The following VWA3B variants were observed in gnomAD, a reference collection of about 807,000 sequenced individuals.
VWA3B encodes von Willebrand factor A domain containing 3B, also known as von Willebrand factor A domain-containing protein 3B.
Under a neutral mutation model 158.3 loss-of-function variants are expected in VWA3B, and 138 were observed. The observed-to-expected ratio is 0.87, with a 90% CI of 0.76 to 1.00. The LOEUF (loss-of-function observed/expected upper bound fraction) is 1.00, where lower values mean the gene tolerates loss of function less well. VWA3B is among the 50% of genes least tolerant of loss of function. The probability of loss-of-function intolerance (pLI) is 0.00; values close to 1 mark genes in which losing one functional copy is unlikely to be tolerated. For missense variants in VWA3B, 1,555 were observed against 1,565.1 expected (o/e 0.99, Z 0.11); for synonymous variants, 596 against 587.3 (o/e 1.01, Z -0.21).
intron 13 of VWA3B, chr2:98,217,016 A>T (rs201118963): frequency 1.3e-4 from 159 of 1,228,362 alleles, no homozygotes; most frequent in Non-Finnish European, 1.4e-4. Flanking sequence ...TGGTCCCTTC[A>T]TGCTAAACTG....
chr2:98,125,959 C>T lies in VWA3B; in HGVS notation c.703-2280C>T, dbSNP rs113306390. Among the ~76,000 whole-genome samples, 6,916 of 152,232 alleles carry T rather than the reference C, an allele frequency of 0.045. 225 individuals are homozygous for T. Among genetic ancestry groups the T allele is most frequent in the Non-Finnish European group, 0.067 (4,540 of 68,006 alleles). On this transcript the variant is annotated intron_variant, in intron 5 of 27. Coordinates refer to ENST00000477737, the MANE Select transcript of VWA3B (RefSeq NM_144992.5). This position sits in a 1 kb window ranked among gnomAD's most constrained non-coding sequence, Gnocchi z 4.1. Reference sequence around the variant, plus strand: ...GATTACAGGTATGAGCCACCGCTCCCGGCCACCTTTCTGTTTTTCTAAGTG... The same window carrying T: ...GATTACAGGTATGAGCCACCGCTCCTGGCCACCTTTCTGTTTTTCTAAGTG...
chr2:98,312,067 A>T, intron 27 of VWA3B, 35 bp downstream of exon 27: 2 of 1,595,226 alleles, frequency 1.3e-6, no homozygotes, highest in South Asian at 2.3e-5. Context: ...AACATCGCTT[A>T]TCTCAGGAAC....
chr2:98,267,258 G>C (rs201376434), intron 21 of VWA3B, among the ~76,000 whole-genome samples: 18 of 151,478 alleles, frequency 1.2e-4, no homozygotes, highest in South Asian at 2.1e-4. Flanking sequence ...TAGCATGAAG[G>C]GTTGTTGAAT....
chr2:98,254,986 A>G (rs1687021309), intron 20 of VWA3B, among the ~76,000 whole-genome samples: 1 of 151,856 alleles, frequency 6.6e-6, no homozygotes, highest in African/African-American at 2.4e-5. Flanking sequence ...CTCCTACCTC[A>G]TTGTATGGAA....
Position 98,230,147 on chromosome 2 carries a change from T to C in VWA3B, c.2248T>C (p.Leu750=). ...AACACAAACTTCATCTCTGAATATG[T>C]TGAAGGGACCATGGGGCCTTTCAGA... ...DSTQTSSLNM[L]KGPWGLSDQK... Residue 750 remains leucine (L), a synonymous_variant, in exon 16 of 28, where the codon TTG becomes CTG. Coordinates refer to ENST00000477737, the MANE Select transcript of VWA3B (RefSeq NM_144992.5). 1.2e-6 allele frequency: 2 copies of C among 1,611,156 alleles called. No homozygotes were observed. Among genetic ancestry groups the C allele is most frequent in the Non-Finnish European group, 1.7e-6 (2 of 1,179,356 alleles).
chr2:98,208,703 A>C (rs1307526000), intron 12 of VWA3B, among the ~76,000 whole-genome samples: 1 of 152,160 alleles, frequency 6.6e-6, no homozygotes, highest in Non-Finnish European at 1.5e-5. Context: ...TAATTGTCTG[A>C]AGTATTTCCT....
chr2:98,154,529 C>T (rs971780416), intron 7 of VWA3B, among the ~76,000 whole-genome samples: 2 of 152,168 alleles, frequency 1.3e-5, no homozygotes, highest in African/African-American at 4.8e-5. Context: ...CCACTCCCGT[C>T]TTGGGCTTAT....
In VWA3B at chr2:98,300,205, A is replaced by G; in HGVS notation, c.3409A>G (p.Asn1137Asp). 1 of 1,614,202 alleles carries G rather than the reference A, an allele frequency of 6.2e-7. No individual in the cohort carries two copies. Among genetic ancestry groups the G allele is most frequent in the Non-Finnish European group, 8.5e-7 (1 of 1,180,044 alleles). ...TEKFYTVLKC[N>D]NRREFCPRSA... is the part of the protein sequence containing the mutation. Reference sequence around the variant, plus strand: ...AAAATTCTACACAGTTTTGAAGTGTAACAACCGGAGAGTAAGTAGATTTTC... The same window carrying G: ...AAAATTCTACACAGTTTTGAAGTGTGACAACCGGAGAGTAAGTAGATTTTC... Residue 1137 changes from asparagine (N) to aspartate (D), a missense_variant, in exon 25 of 28, where the codon AAC becomes GAC. By Grantham distance (23) the Asn-to-Asp change is conservative (BLOSUM62 1). Transcript: ENST00000477737.
intron 7 of VWA3B, among the ~76,000 whole-genome samples, chr2:98,138,009 G>C (rs1271219294): frequency 6.6e-6 from 1 of 152,156 alleles, no homozygotes; most frequent in South Asian, 2.1e-4. Flanking sequence ...GTGTGCAGGG[G>C]TACACATCGC....
intron 19 of VWA3B, among the ~76,000 whole-genome samples, chr2:98,248,777 A>G (rs533849839): frequency 2.0e-5 from 3 of 151,228 alleles, no homozygotes; most frequent in African/African-American, 7.3e-5. Context: ...GTCTCTAAAA[A>G]CCTATCAGCG....
chr2:98,189,184 G>A (rs1175627640), intron 10 of VWA3B, among the ~76,000 whole-genome samples: 3 of 152,150 alleles, frequency 2.0e-5, no homozygotes, highest in Non-Finnish European at 4.4e-5. Flanking sequence ...CAAGGGGGTG[G>A]ATCATGAGGT....
rs1444324515 is a variant in VWA3B, at chr2:98,092,927, T to C, written c.-32-134T>C. ...TGACTGTCCTCTTTTCCACCAAATA[T>C]ACATGTATAATTTTAATTGATAAAT... On this transcript the variant is annotated intron_variant, in intron 1 of 27. Transcript: ENST00000477737. The C allele has an allele frequency of 7.4e-6, 4 of 540,552 alleles. No homozygotes were observed. In the South Asian group the frequency reaches 1.0e-4, roughly 14 times the overall value. 33.5% of individuals were successfully genotyped at this position (540,552 alleles called of 1,614,324 possible).
In VWA3B at chr2:98,156,249, A is replaced by T. The variant is rs527477091; in HGVS notation, c.989-6602A>T. 2.6e-5 allele frequency among the ~76,000 whole-genome samples: 4 copies of T among 152,344 alleles called. No homozygotes were observed. In the South Asian group the frequency reaches 8.3e-4, roughly 32 times the overall value. On this transcript the variant is annotated intron_variant, in intron 7 of 27. Coordinates refer to ENST00000477737, the MANE Select transcript of VWA3B (RefSeq NM_144992.5). ...ATGAGTGAATGATGATTCTCCAAGT[A>T]GATTGTCCTACTGAGAAGGGGATAT...
intron 7 of VWA3B, among the ~76,000 whole-genome samples, chr2:98,161,247 G>T (rs1678550739): frequency 6.6e-6 from 1 of 152,242 alleles, no homozygotes; most frequent in African/African-American, 2.4e-5. Flanking sequence ...ACACTCCCTT[G>T]CTCCTTAGGC....
chr2:98,115,060 C>T (rs569278387), intron 2 of VWA3B, among the ~76,000 whole-genome samples: 100 of 151,114 alleles, frequency 6.6e-4, no homozygotes, highest in African/African-American at 2.2e-3. Context: ...TTTTAAAAAC[C>T]CTGAAAACCA....
At chr2:98,218,084 G>A in intron 14 of VWA3B, 56 bp downstream of exon 14, 1 of 1,522,222 alleles carries the variant, frequency 6.6e-7, no homozygotes. Flanking sequence ...ATTACAGGCT[G>A]GCGGTCCCTG....
At chr2:98,308,211 T>A (rs546420226) in intron 26 of VWA3B, among the ~76,000 whole-genome samples, 2 of 152,328 alleles carry the variant, frequency 1.3e-5, no homozygotes, top group South Asian at 4.1e-4. Flanking sequence ...ATATTTGCAA[T>A]GTGAAACCAG....
intron 20 of VWA3B, among the ~76,000 whole-genome samples, chr2:98,254,272 C>G (rs1686976210): frequency 6.6e-6 from 1 of 152,126 alleles, no homozygotes; most frequent in Non-Finnish European, 1.5e-5. Flanking sequence ...CAGGATCACA[C>G]AGCAGCAAAG....
At chr2:98,286,619 G>C (rs1689179017) in intron 22 of VWA3B, among the ~76,000 whole-genome samples, 1 of 151,982 alleles carries the variant, frequency 6.6e-6, no homozygotes, top group Non-Finnish European at 1.5e-5. Flanking sequence ...GCATTCCAGG[G>C]ACAAATCCGA....
Sources: allele counts gnomAD v4.1 joint callset (sites outside exome capture counted in the v4.1 genomes callset), GRCh38; gene constraint gnomAD v4.1.1; non-coding constraint Gnocchi (gnomAD v3.1); transcripts MANE v1.5; gene names NCBI Gene and HGNC (gene_info 2026-07-23, HGNC 2026-07-21).